GMDS: variants seen among roughly 807,000 people sequenced by gnomAD.
GMDS encodes the protein GDP-mannose 4,6-dehydratase.
A neutral mutation model predicts 49.9 loss-of-function variants in GMDS; 20 were observed. The ratio of observed to expected loss-of-function variants is 0.40; its 90% CI spans 0.28 to 0.58. The LOEUF (loss-of-function observed/expected upper bound fraction) is 0.58, where lower values mean the gene tolerates loss of function less well. Ranked by LOEUF, GMDS falls within the 20% of genes least tolerant of loss-of-function variation. The pLI is 0.42. For synonymous variants in GMDS, 177 were observed against 178.6 expected, an observed-to-expected ratio of 0.99 and a Z score of 0.07; for missense variants, 362 against 481.4, an observed-to-expected ratio of 0.75 and a Z score of 2.32.
At position 1,652,711 on chromosome 6, in the gene GMDS, T is replaced by TAG. The variant is rs534621013; in HGVS notation, c.988-28172_988-28171insCT. Among the ~76,000 whole-genome samples, 9 of 29,824 alleles carry TAG rather than the reference T, an allele frequency of 3.0e-4. 2 individuals carry two copies. Among genetic ancestry groups the TAG allele is most frequent in the South Asian group, 1.6e-3 (2 of 1,256 alleles). 19.6% of individuals were successfully genotyped at this position (29,824 alleles called of 152,430 possible). A position where few individuals can be genotyped will look rare whatever the true frequency, so the allele number is the denominator to read the frequency against. ...ATATATAATATATTATATATATATA[T>TAG]ATATATATAGAGAGAGAGAGAGAGA... is the stretch of plus-strand genomic sequence containing the variant. On this transcript the variant is annotated intron_variant, in intron 9 of 10. Coordinates refer to ENST00000380815, the MANE Select transcript of GMDS (RefSeq NM_001500.4).
At chr6:2,155,427 G>A (rs1006298424) in intron 1 of GMDS, among the ~76,000 whole-genome samples, 2 of 152,102 alleles carry the variant, frequency 1.3e-5, no homozygotes, top group Admixed American at 6.5e-5. Flanking sequence ...CCATTTGGGT[G>A]GATGTCTTTT....
chr6:1,935,717 C>T (rs1302460078), intron 6 of GMDS, among the ~76,000 whole-genome samples: 1 of 151,984 alleles, frequency 6.6e-6, no homozygotes, highest in Non-Finnish European at 1.5e-5. Flanking sequence ...TCCATAAGAC[C>T]GAGAACAACT....
intron 6 of GMDS, among the ~76,000 whole-genome samples, chr6:1,941,194 C>A (rs549393834): frequency 1.3e-5 from 2 of 152,222 alleles, no homozygotes; most frequent in African/African-American, 4.8e-5. Flanking sequence ...TCATTTAACA[C>A]TGCAGTGAAT....
chr6:2,151,322 C>A (rs1213516708), intron 1 of GMDS, among the ~76,000 whole-genome samples: 1 of 151,904 alleles, frequency 6.6e-6, no homozygotes, highest in Admixed American at 6.6e-5. Context: ...AATTAAAAAT[C>A]AAAAACTTAA....
chr6:1,969,514 G>A (rs1428349942), intron 4 of GMDS, among the ~76,000 whole-genome samples: 1 of 152,066 alleles, frequency 6.6e-6, no homozygotes, highest in African/African-American at 2.4e-5. Flanking sequence ...GCTGAAACAA[G>A]AAGAAGAATA....
At chr6:1,738,475 G>A (rs76996688) in intron 8 of GMDS, among the ~76,000 whole-genome samples, 74 of 152,326 alleles carry the variant, frequency 4.9e-4, no homozygotes, top group Non-Finnish European at 9.1e-4. Context: ...ATATACAGAT[G>A]GCGACACGTG....
rs1763104341 is a variant in GMDS, at chr6:1,635,149, T to C, written c.988-10609A>G. On this transcript the variant is annotated intron_variant, in intron 9 of 10. Transcript: ENST00000380815. This position sits in a 1 kb window ranked among gnomAD's most constrained non-coding sequence, Gnocchi z 4.7. ...AAGATTACTTCTAGAGAATCACCTG[T>C]GATCTCTCATATCATTCCATGGAGC... Among the ~76,000 whole-genome samples, 1 of 152,184 alleles carries C rather than the reference T, an allele frequency of 6.6e-6. No homozygotes were observed. Among genetic ancestry groups the C allele is most frequent in the African/African-American group, 2.4e-5 (1 of 41,444 alleles).
chr6:2,242,771 G>T (rs1781672023), intron 1 of GMDS, among the ~76,000 whole-genome samples: 1 of 152,108 alleles, frequency 6.6e-6, no homozygotes, highest in Non-Finnish European at 1.5e-5. Context: ...ACTTAGCCAG[G>T]GATAAATGGG....
intron 7 of GMDS, among the ~76,000 whole-genome samples, chr6:1,752,401 T>C (rs1767770156): frequency 6.6e-6 from 1 of 152,218 alleles, no homozygotes; most frequent in African/African-American, 2.4e-5. Flanking sequence ...AGACCAAACC[T>C]ACCTTTGATT....
chr6:1,624,245 G>T lies in GMDS; in HGVS notation c.1057-14C>A. On this transcript the variant is annotated splice_polypyrimidine_tract_variant and intron_variant, in intron 10 of 10. Transcript: ENST00000380815. ...CCTCACCAGCTCCTGCAACACAGGG[G>T]TGGGCGTGAGGGAGGAGCTTCTGCC... is the stretch of plus-strand genomic sequence containing the variant. 6.2e-7 allele frequency: 1 copy of T among 1,610,158 alleles called. No homozygotes were observed. Among genetic ancestry groups the T allele is most frequent in the Non-Finnish European group, 8.5e-7 (1 of 1,178,998 alleles).
chr6:1,827,105 T>TGTGC (rs1183121316), intron 7 of GMDS, among the ~76,000 whole-genome samples: 2 of 150,094 alleles, frequency 1.3e-5, no homozygotes, highest in Non-Finnish European at 3.0e-5. Context: ...TGTGTGTGTG[T>TGTGC]GTGTGTGTGT....
chr6:1,670,834 G>C (rs1380362182), intron 9 of GMDS, among the ~76,000 whole-genome samples: 2 of 152,152 alleles, frequency 1.3e-5, no homozygotes, highest in African/African-American at 4.8e-5. Flanking sequence ...TAAGTACCTA[G>C]TACGTTTTTA....
intron 1 of GMDS, among the ~76,000 whole-genome samples, chr6:2,138,874 G>A (rs1776141570): frequency 6.6e-6 from 1 of 151,818 alleles, no homozygotes; most frequent in African/African-American, 2.4e-5. Context: ...TTATACAATT[G>A]CAAATGAGAT....
chr6:1,948,189 G>A (rs1011459086), intron 6 of GMDS, among the ~76,000 whole-genome samples: 1 of 152,134 alleles, frequency 6.6e-6, no homozygotes, highest in African/African-American at 2.4e-5. Context: ...CCTAGACTGA[G>A]TCCAAGTAGT....
intron 1 of GMDS, among the ~76,000 whole-genome samples, chr6:2,227,664 C>CTA (rs1317765959): frequency 6.6e-6 from 1 of 152,196 alleles, no homozygotes; most frequent in African/African-American, 2.4e-5. Flanking sequence ...GTGGCTGGAA[C>CTA]TATAGGAAGG....
chr6:1,745,594 A>C (rs1767461547), intron 7 of GMDS, among the ~76,000 whole-genome samples: 1 of 152,178 alleles, frequency 6.6e-6, no homozygotes, highest in African/African-American at 2.4e-5. Flanking sequence ...CTCTCCTTTT[A>C]CTAGAGCAAG....
At chr6:1,715,497 C>A (rs529830524) in intron 9 of GMDS, among the ~76,000 whole-genome samples, 3 of 152,286 alleles carry the variant, frequency 2.0e-5, no homozygotes, top group Admixed American at 1.3e-4. Context: ...GGAAATGACC[C>A]ATCACAATGC....
intron 4 of GMDS, among the ~76,000 whole-genome samples, chr6:2,054,679 G>A (rs972711213): frequency 2.6e-5 from 4 of 151,930 alleles, no homozygotes; most frequent in Middle Eastern, 3.4e-3. Flanking sequence ...TAAAACAAAC[G>A]AAGTATGATT....
intron 6 of GMDS, among the ~76,000 whole-genome samples, chr6:1,953,907 T>C (rs1024297281): frequency 7.2e-5 from 11 of 152,208 alleles, no homozygotes; most frequent in African/African-American, 2.4e-4. Flanking sequence ...TCTGATTGTT[T>C]AGTTTTTCAA....
Sources: gnomAD v4.1 joint callset for allele counts (sites outside exome capture counted in the v4.1 genomes callset) on GRCh38, gnomAD v4.1.1 for gene constraint, Gnocchi (gnomAD v3.1) non-coding constraint, MANE v1.5 for transcripts, NCBI Gene and HGNC (gene_info 2026-07-23, HGNC 2026-07-21) for gene names.